The following SEMA4D variants were observed in gnomAD, a reference collection of about 807,000 sequenced individuals.
SEMA4D encodes the protein semaphorin-4D.
Under a neutral mutation model 74.8 loss-of-function variants are expected in SEMA4D, and 22 were observed. The observed-to-expected ratio is 0.29, with a 90% CI of 0.21 to 0.42. SEMA4D has a LOEUF of 0.42. SEMA4D is among the 10% of genes least tolerant of loss of function. SEMA4D has a pLI of 1.00. For synonymous variants in SEMA4D, 445 were observed against 463.7 expected, an observed-to-expected ratio of 0.96 and a Z score of 0.52; for missense variants, 937 against 1,118.4, an observed-to-expected ratio of 0.84 and a Z score of 2.31.
intron 2 of SEMA4D, among the ~76,000 whole-genome samples, chr9:89,439,861 G>A (rs956954182): frequency 1.3e-5 from 2 of 152,120 alleles, no homozygotes; most frequent in African/African-American, 4.8e-5. Flanking sequence ...AATGGAAACC[G>A]GCCGACCCAC....
intron 1 of SEMA4D, among the ~76,000 whole-genome samples, chr9:89,488,867 TGA>T (rs146249050): frequency 0.022 from 3,357 of 152,234 alleles, 65 homozygotes; most frequent in South Asian, 0.075. Flanking sequence ...AGCCATAGAC[TGA>T]GAGAAAATAT....
intron 6 of SEMA4D, among the ~76,000 whole-genome samples, chr9:89,395,286 G>A (rs766183939): frequency 1.3e-5 from 2 of 152,032 alleles, no homozygotes; most frequent in Non-Finnish European, 2.9e-5. Flanking sequence ...TTAGCCAGAC[G>A]TGGTGGCACA....
chr9:89,432,321 C>T (rs999564207), intron 2 of SEMA4D, among the ~76,000 whole-genome samples: 1 of 152,194 alleles, frequency 6.6e-6, no homozygotes, highest in Non-Finnish European at 1.5e-5. Flanking sequence ...AACTGTAACC[C>T]TGACTAAGCC....
At chr9:89,442,903 C>CCGGGCCTGGGCTGGGA (rs1288275302) in intron 2 of SEMA4D, among the ~76,000 whole-genome samples, 2 of 152,236 alleles carry the variant, frequency 1.3e-5, no homozygotes, top group African/African-American at 4.8e-5. Context: ...AACCTGGGCC[C>CCGGGCCTGGGCTGGGA]CGGGCCTGGG....
At chr9:89,461,822 C>A (rs1857336950) in intron 1 of SEMA4D, among the ~76,000 whole-genome samples, 1 of 150,496 alleles carries the variant, frequency 6.6e-6, no homozygotes, top group South Asian at 2.1e-4. Context: ...CCTGCCTCAG[C>A]CTCCTGAGTA....
At chr9:89,394,547 G>A (rs1840516877) in intron 6 of SEMA4D, among the ~76,000 whole-genome samples, 1 of 152,266 alleles carries the variant, frequency 6.6e-6, no homozygotes, top group Non-Finnish European at 1.5e-5. Context: ...CACGCGTGGG[G>A]ATGCCACTTT....
intron 2 of SEMA4D, among the ~76,000 whole-genome samples, chr9:89,428,558 G>C (rs552028708): frequency 6.6e-6 from 1 of 152,196 alleles, no homozygotes; most frequent in African/African-American, 2.4e-5. Context: ...CAGGCAGGAG[G>C]AGAATGAGGC....
chr9:89,399,322 G>A lies in SEMA4D; in HGVS notation c.269C>T (p.Ser90Leu), dbSNP rs973503473. The part of the protein sequence containing the change: ...EKQHEVYWKV[S>L]EDKKAKCAEK... ...TGCACATTTTGCTTTTTTGTCTTCT[G>A]AGACCTTCCAATACACCTGTTGGGA... The change falls in exon 5 of 16, where the codon TCA becomes TTA. Residue 90 changes from serine to leucine, a missense_variant. By Grantham distance (145) the Ser-to-Leu change is moderately radical (BLOSUM62 -2). Transcript: ENST00000422704. 1.2e-6 allele frequency: 2 copies of A among 1,613,156 alleles called. No individual in the cohort carries two copies. Among genetic ancestry groups the A allele is most frequent in the Non-Finnish European group, 1.7e-6 (2 of 1,179,092 alleles).
rs748972241 is a variant in SEMA4D at position 89,387,580 on chromosome 9, T to C, written c.1136A>G (p.Asn379Ser). 1 of 1,614,086 alleles carries C rather than the reference T, an allele frequency of 6.2e-7. No homozygotes were observed. Among genetic ancestry groups the C allele is most frequent in the Admixed American group, 1.7e-5 (1 of 60,022 alleles). ...TGGCAAATTCAAGGAGCTGGTGTAGTTGGCGGCCCGTGCCTCGCTGTCGAT... is the reference window on the plus strand; with the variant it reads ...TGGCAAATTCAAGGAGCTGGTGTAGCTGGCGGCCCGTGCCTCGCTGTCGAT... ...ACIDSEARAA[N>S]YTSSLNLPDK... Residue 379 changes from asparagine to serine, a missense_variant, in exon 12 of 16, where the codon AAC becomes AGC. Physicochemically the swap from Asn to Ser is conservative, Grantham distance 46. Transcript: ENST00000422704.
intron 2 of SEMA4D, among the ~76,000 whole-genome samples, chr9:89,431,799 G>A (rs1849327593): frequency 2.0e-5 from 3 of 152,152 alleles, no homozygotes; most frequent in Admixed American, 2.0e-4. Flanking sequence ...TACCCAGCAA[G>A]ATTCTCTCTT....
At chr9:89,438,894 T>C (rs1033666779) in intron 2 of SEMA4D, among the ~76,000 whole-genome samples, 1 of 148,762 alleles carries the variant, frequency 6.7e-6, no homozygotes, top group African/African-American at 2.5e-5. Flanking sequence ...CTCAGTCTCC[T>C]GACCTCGTGA....
chr9:89,413,851 T>C (rs751148733), intron 2 of SEMA4D, among the ~76,000 whole-genome samples: 12 of 152,182 alleles, frequency 7.9e-5, no homozygotes, highest in Admixed American at 7.2e-4. Context: ...TGCATCTGTG[T>C]GCGCATCTGT....
intron 16 of SEMA4D, among the ~76,000 whole-genome samples, chr9:89,370,735 G>A (rs1025677620): frequency 6.7e-6 from 1 of 148,612 alleles, no homozygotes; most frequent in Non-Finnish European, 1.5e-5. Context: ...GTGGGGTGTG[G>A]TGTGTGTGTG....
At chr9:89,432,169 T>C (rs942286641) in intron 2 of SEMA4D, among the ~76,000 whole-genome samples, 2 of 152,230 alleles carry the variant, frequency 1.3e-5, no homozygotes, top group African/African-American at 4.8e-5. Context: ...TTGGCTTCCA[T>C]CCATAAGACA....
At chr9:89,453,363 G>C (rs1447646837) in intron 2 of SEMA4D, among the ~76,000 whole-genome samples, 2 of 152,266 alleles carry the variant, frequency 1.3e-5, no homozygotes, top group Non-Finnish European at 2.9e-5. Flanking sequence ...GTAAGAGTTT[G>C]GGTCTAAGAA....
intron 1 of SEMA4D, among the ~76,000 whole-genome samples, chr9:89,462,188 C>G (rs139344736): frequency 1.3e-5 from 2 of 152,176 alleles, no homozygotes; most frequent in Non-Finnish European, 2.9e-5. Context: ...GGTCTGCACA[C>G]CCAGAAAGAA....
rs978749927 is a variant in SEMA4D, at chr9:89,466,254, A to T, written c.-309-10301T>A. Reference sequence around the variant, plus strand: ...CATAATTTCCCCTGACTTGTACAAAAAATAGGGTGATCACTCCGCTCTGAG... The same window carrying T: ...CATAATTTCCCCTGACTTGTACAAATAATAGGGTGATCACTCCGCTCTGAG... On this transcript the variant is annotated intron_variant, in intron 1 of 15. Coordinates refer to ENST00000422704, the MANE Select transcript of SEMA4D (RefSeq NM_001371194.2). Among the ~76,000 whole-genome samples, 4 of 152,144 alleles carry T rather than the reference A, an allele frequency of 2.6e-5. 1 individual carries two copies. The highest frequency in any genetic ancestry group is 9.7e-5 in the African/African-American group (4 of 41,406).
intron 1 of SEMA4D, among the ~76,000 whole-genome samples, chr9:89,475,754 G>C (rs970368000): frequency 1.3e-5 from 2 of 152,212 alleles, no homozygotes; most frequent in African/African-American, 4.8e-5. Context: ...GAGCACGCCA[G>C]GCACACGGGA....
chr9:89,432,594 G>A lies in SEMA4D; in HGVS notation c.-244+23294C>T, dbSNP rs565693920. ...GGCCCTCAATGATAAAAACAGATTT[G>A]GTGCTGCAGGCAAATGATACTTAAT... On this transcript the variant is annotated intron_variant, in intron 2 of 15. Coordinates refer to ENST00000422704, the MANE Select transcript of SEMA4D (RefSeq NM_001371194.2). Among the ~76,000 whole-genome samples, 256 of 152,242 alleles carry A rather than the reference G, an allele frequency of 1.7e-3. 1 individual carries two copies. Among genetic ancestry groups the A allele is most frequent in the Non-Finnish European group, 2.7e-3 (185 of 68,022 alleles).
Sources: allele counts gnomAD v4.1 joint callset (sites outside exome capture counted in the v4.1 genomes callset), GRCh38; gene constraint gnomAD v4.1.1; transcripts MANE v1.5; gene names NCBI Gene and HGNC (gene_info 2026-07-23, HGNC 2026-07-21).